Variants in CATSPERB observed in about 807,000 individuals in gnomAD.
CATSPERB encodes cation channel sperm-associated auxiliary subunit beta.
A neutral mutation model predicts 128.3 loss-of-function variants in CATSPERB; 93 were observed. The observed-to-expected ratio is 0.72, with a 90% CI of 0.61 to 0.86. The LOEUF (loss-of-function observed/expected upper bound fraction) is 0.86, where lower values mean the gene tolerates loss of function less well. Among genes scored for constraint, CATSPERB ranks in the 40% least tolerant of loss-of-function variants. The pLI, the probability that CATSPERB is intolerant of heterozygous loss-of-function variation, is 0.00. For missense variants in CATSPERB, 1,153 were observed against 1,329.5 expected, an observed-to-expected ratio of 0.87 and a Z score of 2.06; for synonymous variants, 381 against 448.8, an observed-to-expected ratio of 0.85 and a Z score of 1.91.
chr14:91,684,019 A>G, intron 10 of CATSPERB, 76 bp from the exon 11 acceptor site: 2 of 1,017,168 alleles, frequency 2.0e-6, no homozygotes, highest in Non-Finnish European at 2.8e-6. Context: ...AGAAAAAACT[A>G]AAAAATTTCA....
At chr14:91,624,524 C>T (rs1275956366) in intron 18 of CATSPERB, among the ~76,000 whole-genome samples, 1 of 152,032 alleles carries the variant, frequency 6.6e-6, no homozygotes. Flanking sequence ...GCCTGTAATC[C>T]CAGCTACTCG....
chr14:91,606,572 C>A (rs1422671602), intron 22 of CATSPERB, among the ~76,000 whole-genome samples: 2 of 152,178 alleles, frequency 1.3e-5, no homozygotes, highest in Admixed American at 1.3e-4. Flanking sequence ...CAAAACTAAA[C>A]AAAACAAAAA....
chr14:91,707,573 TC>T, intron 6 of CATSPERB, among the ~76,000 whole-genome samples: 1 of 133,214 alleles, frequency 7.5e-6, no homozygotes, highest in Non-Finnish European at 1.6e-5. Flanking sequence ...AATATGTACT[TC>T]CTTTTTTTTT....
intron 26 of CATSPERB, 113 bp downstream of exon 26, chr14:91,587,089 C>T: frequency 1.3e-6 from 1 of 757,006 alleles, no homozygotes; most frequent in Non-Finnish European, 2.1e-6. Context: ...GTCTTTAAGC[C>T]TTGTCCATCA....
At chr14:91,731,743 A>C (rs971120784) in intron 1 of CATSPERB, among the ~76,000 whole-genome samples, 187 bp downstream of exon 1, 1 of 152,178 alleles carries the variant, frequency 6.6e-6, no homozygotes, top group African/African-American at 2.4e-5. Context: ...TACTGGATAC[A>C]AGTCATGTAT....
Position 91,602,521 on chromosome 14 carries a change from G to A in CATSPERB, c.2709+5773C>T, listed in dbSNP as rs142185806. On this transcript the variant is annotated intron_variant, in intron 22 of 26. Coordinates refer to ENST00000256343, the MANE Select transcript of CATSPERB (RefSeq NM_024764.4). Reference sequence around the variant, plus strand: ...ATTCAAATAATACAAAAAAATCCACGAGAGTACATAAGAGAGATGGCAGAA... The same window carrying A: ...ATTCAAATAATACAAAAAAATCCACAAGAGTACATAAGAGAGATGGCAGAA... Among the ~76,000 whole-genome samples the A allele has an allele frequency of 6.9e-3, 1,052 of 152,076 alleles. 12 individuals are homozygous for A. Among genetic ancestry groups the A allele is most frequent in the African/African-American group, 0.024 (1,003 of 41,494 alleles).
At chr14:91,598,961 C>T (rs140550077) in intron 22 of CATSPERB, among the ~76,000 whole-genome samples, 3,458 of 151,384 alleles carry the variant, frequency 0.023, 72 homozygotes, top group Admixed American at 0.06. Context: ...GATGAACTAA[C>T]TTTGGAAGGA....
At chr14:91,655,160 G>T (rs1467280134) in intron 15 of CATSPERB, among the ~76,000 whole-genome samples, 1 of 152,202 alleles carries the variant, frequency 6.6e-6, no homozygotes, top group Non-Finnish European at 1.5e-5. Context: ...CAAAGACTTA[G>T]ATCACAACAC....
At chr14:91,690,894 C>A (rs1220253017) in intron 10 of CATSPERB, among the ~76,000 whole-genome samples, 1 of 152,208 alleles carries the variant, frequency 6.6e-6, no homozygotes, top group Admixed American at 6.5e-5. Context: ...GGGCATATGG[C>A]AAATGGCTAG....
chr14:91,599,904 AAAG>A (rs1185235163), intron 22 of CATSPERB, among the ~76,000 whole-genome samples: 8 of 152,222 alleles, frequency 5.3e-5, no homozygotes, highest in Non-Finnish European at 2.9e-5. Flanking sequence ...TTTGAATAGA[AAAG>A]GAGGCAGGTT....
intron 15 of CATSPERB, among the ~76,000 whole-genome samples, chr14:91,655,907 C>T (rs1324800870): frequency 6.6e-6 from 1 of 152,032 alleles, no homozygotes; most frequent in Non-Finnish European, 1.5e-5. Context: ...TAATGAAACT[C>T]CCAAAGGTCA....
At chr14:91,621,005 T>G (rs1894032003) in intron 19 of CATSPERB, among the ~76,000 whole-genome samples, 1 of 152,212 alleles carries the variant, frequency 6.6e-6, no homozygotes, top group Non-Finnish European at 1.5e-5. Flanking sequence ...TACACTAAAA[T>G]TCTGTGTCAA....
intron 22 of CATSPERB, among the ~76,000 whole-genome samples, chr14:91,602,003 T>C (rs1893615189): frequency 6.6e-6 from 1 of 152,146 alleles, no homozygotes; most frequent in Non-Finnish European, 1.5e-5. Flanking sequence ...AAGTATAAAA[T>C]TAAATGTCTT....
intron 10 of CATSPERB, among the ~76,000 whole-genome samples, chr14:91,689,331 G>A (rs1895427589): frequency 6.6e-6 from 1 of 152,154 alleles, no homozygotes; most frequent in Non-Finnish European, 1.5e-5. Flanking sequence ...GGTAAACCAT[G>A]AGTGAGGTAA....
intron 17 of CATSPERB, among the ~76,000 whole-genome samples, chr14:91,632,767 C>T (rs908500442): frequency 6.6e-6 from 1 of 151,882 alleles, no homozygotes; most frequent in Non-Finnish European, 1.5e-5. Flanking sequence ...GCATTCAGAA[C>T]ACCCCAAAAT....
intron 7 of CATSPERB, among the ~76,000 whole-genome samples, chr14:91,696,739 G>A (rs1566734166): frequency 6.6e-6 from 1 of 152,178 alleles, no homozygotes; most frequent in Non-Finnish European, 1.5e-5. Context: ...AGAGAAAGAT[G>A]AGAATTGCAC....
intron 20 of CATSPERB, among the ~76,000 whole-genome samples, chr14:91,616,069 T>C (rs1004904993): frequency 3.3e-5 from 5 of 151,958 alleles, no homozygotes; most frequent in South Asian, 2.1e-4. Flanking sequence ...TTAGTAGAGA[T>C]GGGGTTTCAC....
At position 91,724,025 on chromosome 14, in the gene CATSPERB, AAAC is replaced by A. The variant is rs538890507; in HGVS notation, c.169-839_169-837del. On this transcript the variant is annotated intron_variant, in intron 3 of 26. Coordinates refer to ENST00000256343, the MANE Select transcript of CATSPERB (RefSeq NM_024764.4). ...TTTCACAGGGTTATTAGCGAATAAA[AAAC>A]AATATTTTCCTCACAGAAGATTAAA... 3.8e-3 allele frequency among the ~76,000 whole-genome samples: 575 copies of A among 152,334 alleles called. 5 individuals are homozygous for A. The highest frequency in any genetic ancestry group is 6.2e-3 in the Non-Finnish European group (421 of 68,024).
In CATSPERB at chr14:91,693,440, T is replaced by C. The variant is rs774644590; in HGVS notation, c.656A>G (p.Asp219Gly). 18 of 1,613,990 alleles carry C rather than the reference T, an allele frequency of 1.1e-5. No individual in the cohort carries two copies. The Admixed American group carries it at 2.7e-4, about 24-fold the overall frequency. ...CATGTTAAACCATGTGGTATCATAA[T>C]CATGCCAGAATCCACCAAAGGTTAT... Reference protein sequence around the residue: ...IGITFGGFWHDYDTTWFNMTQ... With the variant: ...IGITFGGFWHGYDTTWFNMTQ... The change falls in exon 8 of 27, where the codon GAT becomes GGT. Residue 219 changes from aspartate to glycine, a missense_variant. Coordinates refer to ENST00000256343, the MANE Select transcript of CATSPERB (RefSeq NM_024764.4).
Sources: allele counts gnomAD v4.1 joint callset (sites outside exome capture counted in the v4.1 genomes callset), GRCh38; gene constraint gnomAD v4.1.1; transcripts MANE v1.5; gene names NCBI Gene and HGNC (gene_info 2026-07-23, HGNC 2026-07-21).